SHOX: variants seen among roughly 807,000 people sequenced by gnomAD.
The protein encoded by SHOX is short stature homeobox protein.
In SHOX, 12 loss-of-function variants were observed where a neutral mutation model predicts 29.6. That is an observed-to-expected ratio of 0.41 (90% CI 0.26 to 0.66). SHOX has a LOEUF of 0.66. Ranked by LOEUF, SHOX falls within the 30% of genes least tolerant of loss-of-function variation. The pLI is 0.35. For missense variants in SHOX, 499 were observed against 437.7 expected (o/e 1.14, Z -1.25); for synonymous variants, 214 against 200.6 (o/e 1.07, Z -0.57).
chrX:625,492 C>G (rs1014881570), intron 1 of SHOX, among the ~76,000 whole-genome samples: 6 of 151,810 alleles, frequency 4.0e-5, no homozygotes, highest in Non-Finnish European at 7.4e-5. Context: ...GTCTCTCTGT[C>G]CCCTGTCTGT....
chrX:644,887 C>T lies in SHOX; in HGVS notation c.*251C>T. ...GCCGTGCGTCCAGCCCGGGCCTCTC[C>T]AAGGCTGCCCGTGCGTCCTGGGACC... is the stretch of plus-strand genomic sequence containing the variant. On this transcript the variant is annotated 3_prime_UTR_variant, in exon 5 of 5. Transcript: ENST00000686671. 2.1e-6 allele frequency: 1 copy of T among 483,562 alleles called. No individual in the cohort carries two copies. 30.0% of individuals were successfully genotyped at this position (483,562 alleles called of 1,614,324 possible).
chrX:644,563 G>GC lies in SHOX; in HGVS notation c.807dup (p.Asn270GlnfsTer121). The stretch of plus-strand genomic sequence containing the variant: ...GCCGTGGTCGCCGCCGCCGCCAAAA[G>GC]CAACAGCAAGAATTCCAGCATCGCC... On this transcript the variant is annotated frameshift_variant, in exon 5 of 5. Coordinates refer to ENST00000686671, the MANE Select transcript of SHOX (RefSeq NM_000451.4). LOFTEE classifies it high-confidence loss of function. 1 of 1,517,820 alleles carries GC rather than the reference G, an allele frequency of 6.6e-7. No homozygotes were observed. Among genetic ancestry groups the GC allele is most frequent in the Non-Finnish European group, 8.8e-7 (1 of 1,139,504 alleles). The allele number at this position is 1,517,820 out of a possible 1,614,324, so 94.0% of individuals were successfully genotyped here.
At chrX:625,057 T>TCCCC (rs199719352) in intron 1 of SHOX, among the ~76,000 whole-genome samples, 1 of 97,044 alleles carries the variant, frequency 1.0e-5, no homozygotes, top group African/African-American at 3.5e-5. Flanking sequence ...CTCTGTTCCT[T>TCCCC]CCTCCCTCCC....
upstream of SHOX, among the ~76,000 whole-genome samples, chrX:626,500 CTCTG>C (rs1311354123): frequency 1.6e-5 from 2 of 126,412 alleles, no homozygotes; most frequent in Non-Finnish European, 3.3e-5. Flanking sequence ...TCTCCTCTCT[CTCTG>C]TCTCTTTTTC....
chrX:632,436 T>A (rs2052667186), intron 1 of SHOX, among the ~76,000 whole-genome samples: 1 of 152,208 alleles, frequency 6.6e-6, no homozygotes, highest in Non-Finnish European at 1.5e-5. Context: ...TATGGACGCC[T>A]GTTATGTTTT....
chrX:628,257 T>TTC (rs373162965), upstream of SHOX, among the ~76,000 whole-genome samples: 132,631 of 140,634 alleles, frequency 0.94, 62,608 homozygotes, highest in African/African-American at 0.98. Context: ...GTCTCTCCCT[T>TTC]TCTCTCTCTC....
intron 1 of SHOX, 31 bp from the exon 2 acceptor site, chrX:634,587 C>T (rs898524967): frequency 8.1e-6 from 13 of 1,610,468 alleles, no homozygotes; most frequent in African/African-American, 6.7e-5. Flanking sequence ...CCTCCCCGGC[C>T]TCAGCCCTGT....
At chrX:633,223 C>T (rs1295577278) in intron 1 of SHOX, among the ~76,000 whole-genome samples, 2 of 152,050 alleles carry the variant, frequency 1.3e-5, no homozygotes, top group Admixed American at 1.3e-4. Context: ...AACAGCGTGT[C>T]CCCGCCGAGC....
chrX:634,432 G>T (rs1030130013), intron 1 of SHOX, among the ~76,000 whole-genome samples, 186 bp from the exon 2 acceptor site: 1 of 152,238 alleles, frequency 6.6e-6, no homozygotes, highest in Non-Finnish European at 1.5e-5. Flanking sequence ...CTCGTGCAAA[G>T]CCCAGGTTTT....
intron 5 of SHOX, chrX:658,771 T>TC (rs1485777954): frequency 4.3e-6 from 1 of 234,744 alleles, no homozygotes; most frequent in East Asian, 1.6e-4. Context: ...CACTTGGCCT[T>TC]TTTTTTTTTT....
downstream of SHOX, among the ~76,000 whole-genome samples, chrX:654,796 T>C (rs746431758): frequency 9.2e-5 from 14 of 152,226 alleles, no homozygotes; most frequent in East Asian, 1.7e-3. Context: ...GCGATTTTCC[T>C]GCCCCAGCCT....
At chrX:655,608 CTCTCTCTATATATATATA>C (rs1325721545), downstream of SHOX, among the ~76,000 whole-genome samples, 681 of 24,144 alleles carry the variant, frequency 0.028, 3 homozygotes, top group Non-Finnish European at 0.03. Flanking sequence ...CTCTCTCTCT[CTCTCTCTATATATATATA>C]TATATATATA....
At chrX:635,097 G>C (rs1450378626) in intron 2 of SHOX, among the ~76,000 whole-genome samples, 2 of 152,112 alleles carry the variant, frequency 1.3e-5, no homozygotes, top group Admixed American at 6.5e-5. Flanking sequence ...ATGTTATACA[G>C]ATGGGTATAT....
chrX:626,597 C>CTCTG (rs1569492234), upstream of SHOX, among the ~76,000 whole-genome samples: 1,478 of 82,720 alleles, frequency 0.018, 26 homozygotes, highest in South Asian at 0.022. Flanking sequence ...CTGTCTCTGT[C>CTCTG]TCTCTTTCTC....
downstream of SHOX, among the ~76,000 whole-genome samples, chrX:655,407 C>G (rs1316918641): frequency 2.6e-5 from 4 of 151,828 alleles, no homozygotes; most frequent in Non-Finnish European, 5.9e-5. Flanking sequence ...GAGTTCAAGA[C>G]CAGCCTCAGC....
chrX:636,947 A>ATATAT (rs1569494124), intron 2 of SHOX, among the ~76,000 whole-genome samples: 9 of 78,956 alleles, frequency 1.1e-4, no homozygotes, highest in Non-Finnish European at 1.7e-4. Flanking sequence ...TTCATTTAAA[A>ATATAT]ATATATATAT....
In SHOX at chrX:650,017, G is replaced by C. The variant is rs1171897625; in HGVS notation, c.*5381G>C. 5 of 455,870 alleles carry C rather than the reference G, an allele frequency of 1.1e-5. No individual in the cohort carries two copies. Among genetic ancestry groups the C allele is most frequent in the Non-Finnish European group, 2.2e-5 (5 of 226,806 alleles). 28.2% of individuals were successfully genotyped at this position (455,870 alleles called of 1,614,324 possible). A position where few individuals can be genotyped will look rare whatever the true frequency, so the allele number is the denominator to read the frequency against. On this transcript the variant is annotated 3_prime_UTR_variant, in exon 5 of 5. Coordinates refer to ENST00000686671, the MANE Select transcript of SHOX (RefSeq NM_000451.4). ...CTTTCTCCGTTCGAGTCTCTGACTG[G>C]TGCATACTTTGCAAAGGTGTGTTCC...
downstream of SHOX, among the ~76,000 whole-genome samples, chrX:651,641 GAAAAAAAAA>G (rs553983413): frequency 2.8e-5 from 3 of 107,560 alleles, no homozygotes; most frequent in Non-Finnish European, 5.5e-5. Context: ...AGGCTTATTG[GAAAAAAAAA>G]AAAAAAAAAA....
At chrX:624,906 CTTCCTTTCTTT>C (rs2052486140) in intron 1 of SHOX, among the ~76,000 whole-genome samples, 6 of 80,702 alleles carry the variant, frequency 7.4e-5, no homozygotes, top group African/African-American at 1.9e-4. Context: ...TTCTTTCTCT[CTTCCTTTCTTT>C]CTTTCTTTCT....
Sources: allele counts gnomAD v4.1 joint callset (sites outside exome capture counted in the v4.1 genomes callset), GRCh38; gene constraint gnomAD v4.1.1; transcripts MANE v1.5; gene names NCBI Gene and HGNC (gene_info 2026-07-23, HGNC 2026-07-21).